CTNNA3: variants seen among roughly 807,000 people sequenced by gnomAD.
CTNNA3 encodes the protein catenin alpha-3.
In CTNNA3, 76 loss-of-function variants were observed where a neutral mutation model predicts 95.7. The ratio of observed to expected loss-of-function variants is 0.79; its 90% CI spans 0.66 to 0.96. The LOEUF is 0.96. Among genes scored for constraint, CTNNA3 ranks in the 40% least tolerant of loss-of-function variants. The pLI is 0.00. For synonymous variants in CTNNA3, 431 were observed against 374.4 expected, an observed-to-expected ratio of 1.15 and a Z score of -1.74; for missense variants, 1,191 against 1,089.8, an observed-to-expected ratio of 1.09 and a Z score of -1.31.
At chr10:67,461,292 C>G (rs1847364081) in intron 5 of CTNNA3, among the ~76,000 whole-genome samples, 1 of 152,080 alleles carries the variant, frequency 6.6e-6, no homozygotes, top group African/African-American at 2.4e-5. Context: ...TGGAGTGCCA[C>G]TAACCATTAA....
chr10:67,553,454 C>A (rs1442253664), intron 3 of CTNNA3, among the ~76,000 whole-genome samples: 1 of 152,092 alleles, frequency 6.6e-6, no homozygotes, highest in Non-Finnish European at 1.5e-5. Context: ...TTTTAAAGTC[C>A]TCTTAAAATG....
chr10:66,554,808 C>T (rs1180080873), intron 10 of CTNNA3, among the ~76,000 whole-genome samples: 1 of 152,046 alleles, frequency 6.6e-6, no homozygotes, highest in African/African-American at 2.4e-5. Context: ...TTCATTGTTT[C>T]CTTCCTGTCT....
At chr10:65,931,365 A>C (rs539587056) in intron 17 of CTNNA3, among the ~76,000 whole-genome samples, 2 of 152,358 alleles carry the variant, frequency 1.3e-5, no homozygotes, top group African/African-American at 4.8e-5. Flanking sequence ...TACAATATGT[A>C]CTATGTCAGT....
At chr10:67,172,728 C>T (rs1862070594) in intron 7 of CTNNA3, among the ~76,000 whole-genome samples, 1 of 152,102 alleles carries the variant, frequency 6.6e-6, no homozygotes, top group Non-Finnish European at 1.5e-5. Context: ...AATCCCAGCA[C>T]TTTGGGAGGC....
intron 10 of CTNNA3, among the ~76,000 whole-genome samples, chr10:66,553,543 T>C (rs1249819459): frequency 7.0e-6 from 1 of 143,592 alleles, no homozygotes; most frequent in Admixed American, 7.1e-5. Flanking sequence ...TTTTTTTTTT[T>C]TGAGGCGGAG....
intron 11 of CTNNA3, among the ~76,000 whole-genome samples, chr10:66,443,860 A>C (rs112741274): frequency 1.3e-5 from 2 of 151,916 alleles, no homozygotes; most frequent in African/African-American, 4.8e-5. Flanking sequence ...AAGGCTTCAG[A>C]CGATCAAACT....
intron 1 of CTNNA3, among the ~76,000 whole-genome samples, chr10:67,735,352 GAAATA>G (rs1403995654): frequency 6.6e-6 from 1 of 151,892 alleles, no homozygotes; most frequent in Non-Finnish European, 1.5e-5. Flanking sequence ...AAAGAATCAG[GAAATA>G]AAATATAGTA....
intron 1 of CTNNA3, chr10:67,648,777 T>A: frequency 1.6e-6 from 2 of 1,289,654 alleles, no homozygotes; most frequent in Non-Finnish European, 2.0e-6. Context: ...TCATTCTCCT[T>A]CTAAAAGTAG....
intron 5 of CTNNA3, among the ~76,000 whole-genome samples, chr10:67,357,333 A>G (rs141061928): frequency 6.6e-6 from 1 of 152,262 alleles, no homozygotes; most frequent in African/African-American, 2.4e-5. Context: ...TGGAAAACCC[A>G]AGAGAATCAA....
At chr10:67,035,406 G>T (rs1301606185) in intron 7 of CTNNA3, among the ~76,000 whole-genome samples, 1 of 152,214 alleles carries the variant, frequency 6.6e-6, no homozygotes, top group African/African-American at 2.4e-5. Flanking sequence ...ATTTATATGC[G>T]TTATTTAAAG....
intron 5 of CTNNA3, among the ~76,000 whole-genome samples, chr10:67,341,049 A>T (rs899334483): frequency 1.3e-5 from 2 of 152,138 alleles, no homozygotes; most frequent in African/African-American, 4.8e-5. Flanking sequence ...TTATTTTTTC[A>T]ATTTTTAATT....
intron 13 of CTNNA3, among the ~76,000 whole-genome samples, chr10:66,266,155 G>A (rs551117200): frequency 6.6e-6 from 1 of 151,030 alleles, no homozygotes; most frequent in African/African-American, 2.4e-5. Flanking sequence ...AAGGAAGGAA[G>A]GAAAGAAGGA....
chr10:67,747,864 T>A (rs534019502), intron 1 of CTNNA3, among the ~76,000 whole-genome samples: 2 of 152,168 alleles, frequency 1.3e-5, no homozygotes, highest in African/African-American at 4.8e-5. Context: ...AGAACCATGA[T>A]AAAAGGTTAC....
intron 12 of CTNNA3, among the ~76,000 whole-genome samples, chr10:66,324,109 C>G (rs1009194276): frequency 2.0e-5 from 3 of 151,942 alleles, no homozygotes; most frequent in African/African-American, 7.2e-5. Context: ...ATCATGAGGT[C>G]AGGGGTTCCA....
At chr10:66,348,336 C>T (rs944885408) in intron 12 of CTNNA3, among the ~76,000 whole-genome samples, 4 of 151,994 alleles carry the variant, frequency 2.6e-5, no homozygotes, top group African/African-American at 4.8e-5. Context: ...TTTAATTAGC[C>T]GATTATTAGC....
intron 7 of CTNNA3, among the ~76,000 whole-genome samples, chr10:67,027,975 C>T (rs1346556663): frequency 6.6e-6 from 1 of 152,128 alleles, no homozygotes; most frequent in Non-Finnish European, 1.5e-5. Context: ...ACTTGACCCT[C>T]ATAACAACCC....
intron 6 of CTNNA3, among the ~76,000 whole-genome samples, chr10:67,186,658 G>A (rs769181809): frequency 2.6e-5 from 4 of 152,122 alleles, no homozygotes; most frequent in Admixed American, 1.3e-4. Flanking sequence ...TACCTCTTCC[G>A]ATGCACAATA....
chr10:66,643,027 A>G (rs994339358), intron 9 of CTNNA3, among the ~76,000 whole-genome samples: 6 of 152,172 alleles, frequency 3.9e-5, no homozygotes, highest in Admixed American at 1.3e-4. Flanking sequence ...ACATATATAG[A>G]TAGATGATGG....
intron 5 of CTNNA3, among the ~76,000 whole-genome samples, chr10:67,416,989 G>A (rs941055479): frequency 6.6e-6 from 1 of 152,110 alleles, no homozygotes; most frequent in Non-Finnish European, 1.5e-5. Context: ...AAAGACACAT[G>A]TACTTGTACA....
Sources: allele counts gnomAD v4.1 joint callset (sites outside exome capture counted in the v4.1 genomes callset), GRCh38; gene constraint gnomAD v4.1.1; transcripts MANE v1.5; gene names NCBI Gene and HGNC (gene_info 2026-07-23, HGNC 2026-07-21).